The following ERC2 variants were observed in gnomAD, a reference collection of about 807,000 sequenced individuals.
ERC2 encodes ELKS/RAB6-interacting/CAST family member 2.
A neutral mutation model predicts 114.8 loss-of-function variants in ERC2; 42 were observed. The ratio of observed to expected loss-of-function variants is 0.37; its 90% CI spans 0.29 to 0.47. The LOEUF (loss-of-function observed/expected upper bound fraction) is 0.47, where lower values mean the gene tolerates loss of function less well. ERC2 is among the 20% of genes least tolerant of loss of function. The pLI is 0.99. For synonymous variants in ERC2, 454 were observed against 425.5 expected (o/e 1.07, Z -0.82); for missense variants, 939 against 1,150.7 (o/e 0.82, Z 2.66).
intron 17 of ERC2, among the ~76,000 whole-genome samples, chr3:55,653,256 T>C (rs2060714469): frequency 6.6e-6 from 1 of 152,216 alleles, no homozygotes. Flanking sequence ...ATCATTTCTG[T>C]AATCACTTTT....
chr3:56,368,652 T>C (rs909614196), intron 2 of ERC2, among the ~76,000 whole-genome samples: 7 of 152,090 alleles, frequency 4.6e-5, no homozygotes, highest in Non-Finnish European at 7.4e-5. Context: ...TGTTCAGGGA[T>C]TTCATCTCGA....
chr3:55,701,214 A>G (rs893399175), intron 15 of ERC2, among the ~76,000 whole-genome samples: 2 of 152,198 alleles, frequency 1.3e-5, no homozygotes, highest in Non-Finnish European at 1.5e-5. Context: ...CTTATTCTCA[A>G]TACTTTCCCA....
At chr3:56,011,618 C>G (rs2072945164) in intron 8 of ERC2, among the ~76,000 whole-genome samples, 1 of 151,700 alleles carries the variant, frequency 6.6e-6, no homozygotes, top group Admixed American at 6.6e-5. Context: ...CACACACACA[C>G]ACACACACAC....
At chr3:55,638,497 G>A (rs2060046251) in intron 17 of ERC2, among the ~76,000 whole-genome samples, 1 of 152,094 alleles carries the variant, frequency 6.6e-6, no homozygotes, top group Non-Finnish European at 1.5e-5. Context: ...TGAGCTAATG[G>A]TGGTTCTTAA....
At chr3:56,348,050 A>T (rs536737947) in intron 2 of ERC2, among the ~76,000 whole-genome samples, 34 of 152,282 alleles carry the variant, frequency 2.2e-4, no homozygotes, top group African/African-American at 7.7e-4. Context: ...AATTTTGCTT[A>T]AAATCCCATC....
intron 17 of ERC2, among the ~76,000 whole-genome samples, chr3:55,561,324 C>T (rs1305105224): frequency 6.6e-6 from 1 of 152,010 alleles, no homozygotes; most frequent in African/African-American, 2.4e-5. Flanking sequence ...TGGACAAGCT[C>T]AGAGGTTTTC....
At chr3:56,349,912 C>CAAA (rs35271051) in intron 2 of ERC2, among the ~76,000 whole-genome samples, 6 of 125,256 alleles carry the variant, frequency 4.8e-5, no homozygotes, top group African/African-American at 1.2e-4. Flanking sequence ...GACTCCGTCT[C>CAAA]AAAAAAAAAA....
intron 13 of ERC2, among the ~76,000 whole-genome samples, chr3:55,901,979 C>A (rs1307499582): frequency 6.6e-6 from 1 of 152,124 alleles, no homozygotes; most frequent in Non-Finnish European, 1.5e-5. Flanking sequence ...ATTGTGTTCC[C>A]TTTTTATAAA....
chr3:56,358,893 T>C (rs2058843006), intron 2 of ERC2, among the ~76,000 whole-genome samples: 2 of 152,260 alleles, frequency 1.3e-5, no homozygotes, highest in Non-Finnish European at 2.9e-5. Context: ...TCACTATTAA[T>C]GCTGACTTGT....
At chr3:55,746,200 G>A (rs942997091) in intron 14 of ERC2, among the ~76,000 whole-genome samples, 1 of 151,888 alleles carries the variant, frequency 6.6e-6, no homozygotes, top group Non-Finnish European at 1.5e-5. Flanking sequence ...TTCTGTTAGC[G>A]CAACATTCAA....
chr3:56,407,744 C>G (rs1259107470), intron 2 of ERC2, among the ~76,000 whole-genome samples: 1 of 152,158 alleles, frequency 6.6e-6, no homozygotes, highest in Non-Finnish European at 1.5e-5. Flanking sequence ...CAGAACAGGT[C>G]CTAGCAATTG....
intron 7 of ERC2, among the ~76,000 whole-genome samples, chr3:56,057,586 G>T (rs1409630650): frequency 6.6e-6 from 1 of 152,148 alleles, no homozygotes; most frequent in Admixed American, 6.5e-5. Context: ...CCAGAACCTT[G>T]TTTTCATCTG....
chr3:56,375,648 T>A (rs990219178), intron 2 of ERC2, among the ~76,000 whole-genome samples: 2 of 152,126 alleles, frequency 1.3e-5, no homozygotes, highest in Non-Finnish European at 2.9e-5. Context: ...CTTATAGAAA[T>A]ACTAGAGGGA....
At chr3:55,610,452 G>T (rs897527476) in intron 17 of ERC2, 2 of 151,204 alleles carry the variant, frequency 1.3e-5, no homozygotes, top group Non-Finnish European at 2.9e-5. Context: ...CTGACTTAAA[G>T]AAACTTCAAG....
intron 7 of ERC2, among the ~76,000 whole-genome samples, chr3:56,036,302 A>C (rs2074797457): frequency 6.6e-6 from 1 of 152,332 alleles, no homozygotes; most frequent in African/African-American, 2.4e-5. Context: ...GGGACACGAC[A>C]AGGATGCCCA....
Position 56,007,321 on chromosome 3 carries a change from A to T in ERC2, c.1921T>A (p.Ser641Thr). The T allele has an allele frequency of 6.3e-7, 1 of 1,594,080 alleles. No individual in the cohort carries two copies. Among genetic ancestry groups the T allele is most frequent in the Non-Finnish European group, 8.5e-7 (1 of 1,170,348 alleles). The change falls in exon 10 of 18, where the codon TCT (serine) becomes ACT (threonine). Residue 641 changes from serine to threonine, a missense_variant and splice_region_variant. Coordinates refer to ENST00000288221, the MANE Select transcript of ERC2 (RefSeq NM_015576.3). Reference protein sequence around the residue: ...ALQAELTEKESSLIDLKEHAS... With the variant: ...ALQAELTEKETSLIDLKEHAS... The stretch of plus-strand genomic sequence containing the variant: ...TGTTCTTTGAGGTCAATTAAACTAG[A>T]CTGAAAGAGAAAGAATGTGAGTGAG...
At chr3:56,209,205 T>C (rs2048915130) in intron 3 of ERC2, among the ~76,000 whole-genome samples, 3 of 151,968 alleles carry the variant, frequency 2.0e-5, no homozygotes. Flanking sequence ...TGCATGAGAG[T>C]GTCATTCATA....
At chr3:56,428,082 A>C (rs530614582) in intron 2 of ERC2, among the ~76,000 whole-genome samples, 60 of 152,308 alleles carry the variant, frequency 3.9e-4, no homozygotes, top group African/African-American at 1.4e-3. Flanking sequence ...GGAAGAAGGT[A>C]AGTCTGAGGA....
chr3:55,834,845 AC>A (rs1448462280), intron 14 of ERC2, among the ~76,000 whole-genome samples: 1 of 136,788 alleles, frequency 7.3e-6, no homozygotes, highest in African/African-American at 3.2e-5. Flanking sequence ...AAACTGATAG[AC>A]CACTAGCAAG....
Sources: gnomAD v4.1 joint callset for allele counts (sites outside exome capture counted in the v4.1 genomes callset) on GRCh38, gnomAD v4.1.1 for gene constraint, MANE v1.5 for transcripts, NCBI Gene and HGNC (gene_info 2026-07-23, HGNC 2026-07-21) for gene names.